Variants in PLXNC1 observed in about 807,000 individuals in gnomAD.
PLXNC1 encodes plexin-C1.
PLXNC1 carries 75 observed loss-of-function variants against 178.2 expected under a neutral mutation model. The ratio of observed to expected loss-of-function variants is 0.42; its 90% CI spans 0.35 to 0.51. PLXNC1 has a LOEUF of 0.51. PLXNC1 is among the 20% of genes least tolerant of loss of function. The pLI is 0.02. For missense variants in PLXNC1, 1,503 were observed against 1,984.4 expected, an observed-to-expected ratio of 0.76 and a Z score of 4.61; for synonymous variants, 790 against 779.9, an observed-to-expected ratio of 1.01 and a Z score of -0.22.
At chr12:94,286,799 TTTC>T (rs1284633750) in intron 23 of PLXNC1, among the ~76,000 whole-genome samples, 1 of 152,192 alleles carries the variant, frequency 6.6e-6, no homozygotes, top group African/African-American at 2.4e-5. Flanking sequence ...AGCCAGCCTG[TTTC>T]TTCTTTCCTT....
At chr12:94,293,429 C>G (rs965694482) in intron 23 of PLXNC1, among the ~76,000 whole-genome samples, 4 of 152,224 alleles carry the variant, frequency 2.6e-5, no homozygotes, top group African/African-American at 9.6e-5. Context: ...GTTCGGGCTG[C>G]TATAACAGAA....
At chr12:94,204,966 C>T (rs899576616) in intron 4 of PLXNC1, among the ~76,000 whole-genome samples, 1 of 152,166 alleles carries the variant, frequency 6.6e-6, no homozygotes, top group Non-Finnish European at 1.5e-5. Context: ...TATCAGATTC[C>T]TTCAGGGACT....
intron 12 of PLXNC1, among the ~76,000 whole-genome samples, chr12:94,246,729 T>A (rs1964539092): frequency 6.6e-6 from 1 of 152,042 alleles, no homozygotes; most frequent in South Asian, 2.1e-4. Flanking sequence ...GAGACAGTGG[T>A]TTTCATCCTG....
intron 4 of PLXNC1, among the ~76,000 whole-genome samples, chr12:94,202,554 G>A (rs780583991): frequency 6.6e-6 from 1 of 152,222 alleles, no homozygotes; most frequent in African/African-American, 2.4e-5. Context: ...TTTGCCTGGA[G>A]TCTGAGCAAA....
At position 94,149,999 on chromosome 12, in the gene PLXNC1, T is replaced by A; in HGVS notation, c.1028T>A (p.Val343Asp). ...GAGATCCAGGCGCGCGCCAAGAGGG[T>A]CAGCTGGGACTTCAAGACGGCCGAG... is the stretch of plus-strand genomic sequence containing the variant. Reference protein sequence around the residue: ...MSEIQARAKRVSWDFKTAESH... With the variant: ...MSEIQARAKRDSWDFKTAESH... The change falls in exon 1 of 31, where the codon GTC (valine) becomes GAC (aspartate). Residue 343 changes from valine to aspartate, a missense_variant. Physicochemically the swap from Val to Asp is radical, Grantham distance 152. Coordinates refer to ENST00000258526, the MANE Select transcript of PLXNC1 (RefSeq NM_005761.3). 1 of 1,596,472 alleles carries A rather than the reference T, an allele frequency of 6.3e-7. No individual in the cohort carries two copies. Among genetic ancestry groups the A allele is most frequent in the Non-Finnish European group, 8.5e-7 (1 of 1,172,962 alleles).
intron 4 of PLXNC1, among the ~76,000 whole-genome samples, chr12:94,200,299 A>T (rs1446624905): frequency 6.6e-6 from 1 of 152,218 alleles, no homozygotes; most frequent in Admixed American, 6.5e-5. Context: ...ATAAGAATGT[A>T]TTGATTGGCC....
rs371552811 is a variant in PLXNC1, at chr12:94,303,767, T to C, written c.4398T>C (p.Thr1466=). The C allele has an allele frequency of 2.4e-6, 3 of 1,224,650 alleles. No homozygotes were observed. Among genetic ancestry groups the C allele is most frequent in the East Asian group, 6.9e-5 (2 of 29,076 alleles). The allele number at this position is 1,224,650 out of a possible 1,614,324, so 75.9% of individuals were successfully genotyped here. The change falls in exon 29 of 31, where the codon ACT becomes ACC. Residue 1466 remains threonine (T), a synonymous_variant. Coordinates refer to ENST00000258526, the MANE Select transcript of PLXNC1 (RefSeq NM_005761.3). Reference sequence around the variant, plus strand: ...TTTTTTTTCCCCAGGAAGCACCAACTAATAAGCTTCTCTATGCCAAGGATA... The same window carrying C: ...TTTTTTTTCCCCAGGAAGCACCAACCAATAAGCTTCTCTATGCCAAGGATA... The part of the protein sequence containing the change: ...TEQQLGKEAP[T]NKLLYAKDIP...
chr12:94,172,183 A>G (rs1285716127), intron 2 of PLXNC1, among the ~76,000 whole-genome samples: 2 of 152,246 alleles, frequency 1.3e-5, no homozygotes, highest in African/African-American at 2.4e-5. Flanking sequence ...ATGAGCGGCA[A>G]AAAACAAAAC....
intron 9 of PLXNC1, among the ~76,000 whole-genome samples, chr12:94,232,161 A>C (rs1238966717): frequency 6.6e-6 from 1 of 151,826 alleles, no homozygotes. Flanking sequence ...ATCTCGGCTC[A>C]CTGCAACCTC....
intron 17 of PLXNC1, among the ~76,000 whole-genome samples, chr12:94,256,531 C>A (rs192031171): frequency 1.4e-3 from 216 of 152,122 alleles, no homozygotes; most frequent in African/African-American, 4.9e-3. Context: ...ATTTCTATGG[C>A]AGAACACCGC....
At chr12:94,259,438 T>TAA in intron 18 of PLXNC1, 63 bp downstream of exon 18, 1 of 1,277,328 alleles carries the variant, frequency 7.8e-7, no homozygotes, top group Non-Finnish European at 1.1e-6. Context: ...GTTATCATCA[T>TAA]CACTATCATC....
intron 21 of PLXNC1, among the ~76,000 whole-genome samples, chr12:94,269,898 T>C (rs1592847873): frequency 1.3e-5 from 2 of 152,366 alleles, no homozygotes; most frequent in Non-Finnish European, 1.5e-5. Context: ...CCCTCGTTGA[T>C]GGCAAGTCAT....
rs762288929 is a variant in PLXNC1 at position 94,247,891 on chromosome 12, CT to C, written c.2389-7del. The C allele has an allele frequency of 4.3e-6, 7 of 1,612,146 alleles. No individual in the cohort carries two copies. Among genetic ancestry groups the C allele is most frequent in the African/African-American group, 1.3e-5 (1 of 74,804 alleles). ...AACAAAGTTACTAAAACATTCTTTTCTTTTTGTCCAGGTCTCTGAATATTGT... is the reference window on the plus strand; with the variant it reads ...AACAAAGTTACTAAAACATTCTTTTCTTTTGTCCAGGTCTCTGAATATTGT... On this transcript the variant is annotated splice_polypyrimidine_tract_variant and intron_variant, in intron 12 of 30. Transcript: ENST00000258526.
At position 94,259,594 on chromosome 12, in the gene PLXNC1, T is replaced by G; in HGVS notation, c.3127-16T>G. The G allele has an allele frequency of 6.4e-7, 1 of 1,553,776 alleles. No homozygotes were observed. Among genetic ancestry groups the G allele is most frequent in the Non-Finnish European group, 8.7e-7 (1 of 1,148,060 alleles). ...ATGATTTTGTATTATACTATATATT[T>G]TTTTCTTTTTATCAGAACAGAGACG... On this transcript the variant is annotated splice_polypyrimidine_tract_variant and intron_variant, in intron 18 of 30. Transcript: ENST00000258526.
At chr12:94,277,825 C>A in intron 21 of PLXNC1, 1 of 408,966 alleles carries the variant, frequency 2.4e-6, no homozygotes. Flanking sequence ...CCGTGCTAAG[C>A]CCTTGAATGC....
At chr12:94,261,351 C>T (rs1592823171) in intron 20 of PLXNC1, among the ~76,000 whole-genome samples, 1 of 152,220 alleles carries the variant, frequency 6.6e-6, no homozygotes, top group African/African-American at 2.4e-5. Flanking sequence ...ACTAATTGAA[C>T]TTTAAAATCT....
intron 4 of PLXNC1, among the ~76,000 whole-genome samples, chr12:94,199,383 C>T (rs1201062079): frequency 3.3e-5 from 5 of 152,170 alleles, no homozygotes; most frequent in Non-Finnish European, 7.3e-5. Context: ...CCCTCCTTCT[C>T]GTGTGAGGAC....
In PLXNC1 at chr12:94,255,274, C is replaced by T. The variant is rs772404143; in HGVS notation, c.3065C>T (p.Ala1022Val). 1 of 1,611,040 alleles carries T rather than the reference C, an allele frequency of 6.2e-7. No homozygotes were observed. Among genetic ancestry groups the T allele is most frequent in the Non-Finnish European group, 8.5e-7 (1 of 1,177,194 alleles). Reference protein sequence around the residue: ...TVPFLDYKHFALRTFFPESGG... With the variant: ...TVPFLDYKHFVLRTFFPESGG... ...CCCTTCCTTGACTACAAACATTTTG[C>T]TCTGAGAACTTTCTTCCCTGAGGTA... The change falls in exon 17 of 31, where the codon GCT (alanine) becomes GTT (valine). Residue 1022 changes from alanine to valine, a missense_variant. This residue lies in a region of PLXNC1 where 639 missense variants were observed against 979.7 expected (regional missense o/e 0.65). Transcript: ENST00000258526.
At chr12:94,151,113 C>T (rs1246026221) in intron 1 of PLXNC1, among the ~76,000 whole-genome samples, 3 of 152,082 alleles carry the variant, frequency 2.0e-5, no homozygotes, top group Non-Finnish European at 4.4e-5. Flanking sequence ...AAAATCAAAG[C>T]GCAGAAATTA....
Sources: gnomAD v4.1 joint callset for allele counts (sites outside exome capture counted in the v4.1 genomes callset) on GRCh38, gnomAD v4.1.1 for gene constraint, gnomAD v4.1.1 regional missense constraint, MANE v1.5 for transcripts, NCBI Gene and HGNC (gene_info 2026-07-23, HGNC 2026-07-21) for gene names.